Variants in ARL13B observed in about 807,000 individuals in gnomAD.
ARL13B encodes ARF like GTPase 13B.
Under a neutral mutation model 56.1 loss-of-function variants are expected in ARL13B, and 36 were observed. The observed-to-expected ratio is 0.64, with a 90% CI of 0.49 to 0.85. The LOEUF (loss-of-function observed/expected upper bound fraction) is 0.85, where lower values mean the gene tolerates loss of function less well. Ranked by LOEUF, ARL13B falls within the 40% of genes least tolerant of loss-of-function variation. ARL13B has a pLI of 0.00. For missense variants in ARL13B, 519 were observed against 507.1 expected, an observed-to-expected ratio of 1.02 and a Z score of -0.23; for synonymous variants, 178 against 171.1, an observed-to-expected ratio of 1.04 and a Z score of -0.32.
rs1161135638 is a variant in ARL13B, at chr3:94,043,162, C to A, written c.946C>A (p.Leu316Ile). ...TGGCCAAAAAAATAATGAATTTGGA[C>A]TAGTAGAAAATTATAAGGAGGCATT... ...HNGQKNNEFG[L>I]VENYKEALTQ... The change falls in exon 7 of 10, where the codon CTA (leucine) becomes ATA (isoleucine). Residue 316 changes from leucine (L) to isoleucine (I), a missense_variant. Leu to Ile is a conservative substitution (Grantham distance 5, BLOSUM62 2). Transcript: ENST00000394222. The A allele has an allele frequency of 1.9e-6, 3 of 1,613,172 alleles. No individual in the cohort carries two copies. Among genetic ancestry groups the A allele is most frequent in the South Asian group, 1.1e-5 (1 of 90,992 alleles).
At chr3:94,020,843 T>C (rs1413479600) in intron 3 of ARL13B, among the ~76,000 whole-genome samples, 1 of 152,160 alleles carries the variant, frequency 6.6e-6, no homozygotes, top group Non-Finnish European at 1.5e-5. Flanking sequence ...TTTTTGCCAC[T>C]GATTTGCTAT....
In ARL13B at chr3:94,054,042, A is replaced by G. The variant is rs1020935079; in HGVS notation, c.*779A>G. The G allele has an allele frequency of 6.9e-6, 3 of 436,908 alleles. No individual in the cohort carries two copies. The highest frequency in any genetic ancestry group is 6.1e-5 in the African/African-American group (3 of 49,224). The allele number at this position is 436,908 out of a possible 1,614,324, so 27.1% of individuals were successfully genotyped here. A position where few individuals can be genotyped will look rare whatever the true frequency, so the allele number is the denominator to read the frequency against. On this transcript the variant is annotated 3_prime_UTR_variant, in exon 10 of 10. Coordinates refer to ENST00000394222, the MANE Select transcript of ARL13B (RefSeq NM_001174150.2). Reference sequence around the variant, plus strand: ...ACCTAAATGTTTTTTAAATTAATCAAAATACATTCTGTGAGATACTATTAA... The same window carrying G: ...ACCTAAATGTTTTTTAAATTAATCAGAATACATTCTGTGAGATACTATTAA...
intron 3 of ARL13B, chr3:94,015,066 A>T (rs763723684): frequency 6.2e-7 from 1 of 1,613,822 alleles, no homozygotes; most frequent in African/African-American, 1.3e-5. Flanking sequence ...CAAATTTTTG[A>T]ACATTATCTG....
At chr3:94,024,436 A>AT (rs2076514538) in intron 3 of ARL13B, among the ~76,000 whole-genome samples, 1 of 152,258 alleles carries the variant, frequency 6.6e-6, no homozygotes, top group South Asian at 2.1e-4. Flanking sequence ...ACAATGGTTC[A>AT]GTAGCTTTTA....
chr3:94,049,296 C>G, intron 7 of ARL13B, 110 bp from the exon 8 acceptor site: 2 of 608,366 alleles, frequency 3.3e-6, no homozygotes, highest in South Asian at 4.9e-5. Context: ...GTTAAATAGT[C>G]AAGATGTTTT....
At chr3:93,982,798 G>T (rs371250848) in intron 1 of ARL13B, among the ~76,000 whole-genome samples, 9 of 152,226 alleles carry the variant, frequency 5.9e-5, no homozygotes, top group Admixed American at 2.0e-4. Flanking sequence ...ATAAATATTT[G>T]CCAAATATTG....
rs761202898 is a variant in ARL13B, at chr3:94,043,137, T to G, written c.921T>G (p.Asn307Lys). 2 of 1,613,450 alleles carry G rather than the reference T, an allele frequency of 1.2e-6. No homozygotes were observed. Among genetic ancestry groups the G allele is most frequent in the East Asian group, 2.2e-5 (1 of 44,828 alleles). Residue 307 changes from asparagine (N) to lysine (K), a missense_variant, in exon 7 of 10, where the codon AAT (asparagine) becomes AAG (lysine). By Grantham distance (94) the Asn-to-Lys change is moderately conservative (BLOSUM62 0). Coordinates refer to ENST00000394222, the MANE Select transcript of ARL13B (RefSeq NM_001174150.2). ...AGACACAAGGCCAGGTTAATCACAA[T>G]GGCCAAAAAAATAATGAATTTGGAC... ...QIETQGQVNHNGQKNNEFGLV... is the reference protein window; with the variant it reads ...QIETQGQVNHKGQKNNEFGLV...
chr3:94,029,340 T>TTATTTA (rs1370395878), intron 3 of ARL13B, among the ~76,000 whole-genome samples: 5 of 63,098 alleles, frequency 7.9e-5, no homozygotes, highest in African/African-American at 3.8e-4. Context: ...ATATATTTAT[T>TTATTTA]TTTTTTTTAT....
intron 3 of ARL13B, among the ~76,000 whole-genome samples, chr3:94,024,173 T>C (rs1576002194): frequency 6.6e-6 from 1 of 152,210 alleles, no homozygotes; most frequent in East Asian, 1.9e-4. Context: ...CTCGCTCTTT[T>C]GTCCAGGCTG....
intron 1 of ARL13B, among the ~76,000 whole-genome samples, chr3:93,992,238 T>C (rs2075889767): frequency 6.6e-6 from 1 of 152,196 alleles, no homozygotes; most frequent in Non-Finnish European, 1.5e-5. Flanking sequence ...AGGTGCTCTA[T>C]ATAATAGAGA....
At chr3:93,980,870 A>T (rs1710181519) in intron 1 of ARL13B, among the ~76,000 whole-genome samples, 1 of 152,136 alleles carries the variant, frequency 6.6e-6, no homozygotes, top group South Asian at 2.1e-4. Context: ...CGCACATTCC[A>T]TTCCAAGTCA....
intron 3 of ARL13B, among the ~76,000 whole-genome samples, chr3:94,034,707 G>C (rs540090052): frequency 6.6e-6 from 1 of 152,160 alleles, no homozygotes; most frequent in Admixed American, 6.5e-5. Flanking sequence ...ATAATTTATG[G>C]ATGTGACCTG....
intron 1 of ARL13B, among the ~76,000 whole-genome samples, chr3:93,985,056 A>C (rs1051026377): frequency 6.6e-6 from 1 of 152,326 alleles, no homozygotes. Flanking sequence ...TAAAAATTTT[A>C]AATTCAAATA....
chr3:94,016,130 A>G (rs2076329024), intron 3 of ARL13B, among the ~76,000 whole-genome samples: 1 of 152,172 alleles, frequency 6.6e-6, no homozygotes, highest in South Asian at 2.1e-4. Flanking sequence ...TATATATGAA[A>G]TGACATACAT....
At chr3:94,027,229 G>T (rs2076575822) in intron 3 of ARL13B, among the ~76,000 whole-genome samples, 1 of 151,916 alleles carries the variant, frequency 6.6e-6, no homozygotes, top group Non-Finnish European at 1.5e-5. Context: ...TGAAAGCAGA[G>T]GATCTTATTG....
intron 3 of ARL13B, among the ~76,000 whole-genome samples, chr3:94,004,662 T>G (rs993530639): frequency 1.3e-5 from 2 of 151,942 alleles, no homozygotes; most frequent in Non-Finnish European, 2.9e-5. Context: ...TGTCATGTGG[T>G]TAGATGAAAA....
intron 3 of ARL13B, among the ~76,000 whole-genome samples, chr3:94,032,670 G>T (rs1298159620): frequency 6.6e-6 from 1 of 152,006 alleles, no homozygotes; most frequent in Non-Finnish European, 1.5e-5. Context: ...CTAGTTTTTT[G>T]TATTTTTAGT....
intron 3 of ARL13B, among the ~76,000 whole-genome samples, chr3:94,029,037 T>A (rs994654785): frequency 1.3e-5 from 2 of 151,808 alleles, no homozygotes; most frequent in African/African-American, 2.4e-5. Flanking sequence ...ACGTTACTTT[T>A]AATTTTTTTT....
chr3:94,053,136 T>A (rs538476731), intron 9 of ARL13B, 51 bp from the exon 10 acceptor site: 7 of 1,447,026 alleles, frequency 4.8e-6, no homozygotes, highest in Non-Finnish European at 6.7e-6. Flanking sequence ...GTGTCAAAAA[T>A]CTTGATGTAC....
Sources: gnomAD v4.1 joint callset for allele counts (sites outside exome capture counted in the v4.1 genomes callset) on GRCh38, gnomAD v4.1.1 for gene constraint, MANE v1.5 for transcripts, NCBI Gene and HGNC (gene_info 2026-07-23, HGNC 2026-07-21) for gene names.